CHD9: variants seen among roughly 807,000 people sequenced by gnomAD.
CHD9 encodes the protein ATP-dependent chromatin remodeler CHD9.
CHD9 carries 77 observed loss-of-function variants against 316.1 expected under a neutral mutation model. The ratio of observed to expected loss-of-function variants is 0.24; its 90% CI spans 0.20 to 0.29. The LOEUF is 0.29. CHD9 is among the 10% of genes least tolerant of loss of function. The pLI is 1.00. For synonymous variants in CHD9, 1,129 were observed against 1,158.3 expected, an observed-to-expected ratio of 0.97 and a Z score of 0.51; for missense variants, 2,763 against 3,438.1, an observed-to-expected ratio of 0.80 and a Z score of 4.91.
chr16:53,085,228 CTTTTTTTTTTT>C (rs888297957), intron 1 of CHD9, among the ~76,000 whole-genome samples: 6 of 149,134 alleles, frequency 4.0e-5, no homozygotes, highest in Non-Finnish European at 8.9e-5. Flanking sequence ...CTTTGATCAT[CTTTTTTTTTTT>C]TTTTTTTTTT....
chr16:53,301,251 TGTAAA>T (rs2055384732), intron 30 of CHD9, among the ~76,000 whole-genome samples: 1 of 152,190 alleles, frequency 6.6e-6, no homozygotes, highest in African/African-American at 2.4e-5. Flanking sequence ...TAAGATCAAA[TGTAAA>T]GTAGATTTCA....
At chr16:53,132,009 T>G (rs2039361068) in intron 1 of CHD9, among the ~76,000 whole-genome samples, 1 of 152,196 alleles carries the variant, frequency 6.6e-6, no homozygotes, top group African/African-American at 2.4e-5. Context: ...AGCCAAGCAC[T>G]ACCCGGAAAG....
chr16:53,260,978 G>C (rs1019950663), intron 19 of CHD9, among the ~76,000 whole-genome samples: 2 of 151,934 alleles, frequency 1.3e-5, no homozygotes, highest in African/African-American at 4.8e-5. Flanking sequence ...CAAGGTTCCA[G>C]GGATTAGGAT....
chr16:53,173,042 T>C (rs1428348382), intron 2 of CHD9, among the ~76,000 whole-genome samples: 5 of 152,182 alleles, frequency 3.3e-5, no homozygotes, highest in Non-Finnish European at 7.3e-5. Flanking sequence ...TAAAATTGTG[T>C]TTTGTTTCAT....
intron 12 of CHD9, among the ~76,000 whole-genome samples, chr16:53,241,411 C>T (rs1050808815): frequency 6.6e-6 from 1 of 152,208 alleles, no homozygotes; most frequent in Non-Finnish European, 1.5e-5. Flanking sequence ...TTGATTCATA[C>T]ACATAACTTT....
At position 53,156,132 on chromosome 16, in the gene CHD9, T is replaced by C; in HGVS notation, c.43T>C (p.Phe15Leu). Reference sequence around the variant, plus strand: ...GGACTTTTTTGATGATGCCAATCTTTTTGGTGAGACCTTAGAAGGTTTGTC... The same window carrying C: ...GGACTTTTTTGATGATGCCAATCTTCTTGGTGAGACCTTAGAAGGTTTGTC... ...MMDFFDDANL[F>L]GETLEGLSDD... is the part of the protein sequence containing the mutation. Residue 15 changes from phenylalanine (F) to leucine (L), a missense_variant, in exon 2 of 39, where the codon TTT becomes CTT. Around this residue, in one of 15 missense-constraint regions of CHD9, gnomAD observed 859 missense variants for 890.4 expected, o/e 0.96. Transcript: ENST00000447540. 6.2e-7 allele frequency: 1 copy of C among 1,613,636 alleles called. No homozygotes were observed. Among genetic ancestry groups the C allele is most frequent in the Non-Finnish European group, 8.5e-7 (1 of 1,179,772 alleles).
At chr16:53,151,094 A>T (rs1056887894) in intron 1 of CHD9, among the ~76,000 whole-genome samples, 9 of 151,576 alleles carry the variant, frequency 5.9e-5, no homozygotes, top group Non-Finnish European at 1.0e-4. Context: ...GGATGCCCAC[A>T]ATGTATATTT....
chr16:53,277,044 A>G (rs553731728), intron 24 of CHD9, among the ~76,000 whole-genome samples: 6 of 152,300 alleles, frequency 3.9e-5, no homozygotes, highest in Admixed American at 2.6e-4. Flanking sequence ...CAACCATCCT[A>G]GCTTAAATCA....
intron 2 of CHD9, chr16:53,208,207 G>C: frequency 8.7e-7 from 1 of 1,155,534 alleles, no homozygotes; most frequent in Non-Finnish European, 1.1e-6. Flanking sequence ...TGCATCTCTT[G>C]GTTGCAGCTT....
chr16:53,212,713 T>A (rs1307926109), intron 3 of CHD9, among the ~76,000 whole-genome samples: 1 of 152,146 alleles, frequency 6.6e-6, no homozygotes, highest in East Asian at 1.9e-4. Flanking sequence ...GATAATGGGG[T>A]TAAATTCTTT....
chr16:53,271,552 G>A (rs2052267892), intron 22 of CHD9, among the ~76,000 whole-genome samples: 1 of 149,332 alleles, frequency 6.7e-6, no homozygotes, highest in Non-Finnish European at 1.5e-5. Context: ...CTGGCTGACA[G>A]AGCGAGACTC....
Position 53,224,724 on chromosome 16 carries a change from A to G in CHD9, c.1897-1642A>G, listed in dbSNP as rs561289625. On this transcript the variant is annotated intron_variant, in intron 4 of 38. Transcript: ENST00000447540. ...ACTTAAAAGTCATGCCTAATGAGACATTGATAATATATCACAGTTGTTTAT... is the reference window on the plus strand; with the variant it reads ...ACTTAAAAGTCATGCCTAATGAGACGTTGATAATATATCACAGTTGTTTAT... Among the ~76,000 whole-genome samples, 12 of 152,348 alleles carry G rather than the reference A, an allele frequency of 7.9e-5. No homozygotes were observed. The East Asian group carries it at 1.9e-3, about 24-fold the overall frequency.
intron 1 of CHD9, among the ~76,000 whole-genome samples, chr16:53,149,484 T>C (rs186451149): frequency 2.0e-5 from 3 of 152,230 alleles, no homozygotes; most frequent in Non-Finnish European, 4.4e-5. Context: ...ATAATTGTTA[T>C]ATCATATTGG....
At chr16:53,320,187 G>A (rs1169335147) in intron 37 of CHD9, among the ~76,000 whole-genome samples, 1 of 140,138 alleles carries the variant, frequency 7.1e-6, no homozygotes, top group African/African-American at 2.7e-5. Context: ...AAGTGAGTGA[G>A]TGAGTCTCTT....
rs756285026 is a variant in CHD9, at chr16:53,273,658, G to T, written c.4750G>T (p.Gly1584Trp). 3.1e-6 allele frequency: 5 copies of T among 1,612,288 alleles called. No individual in the cohort carries two copies. Among genetic ancestry groups the T allele is most frequent in the Non-Finnish European group, 4.2e-6 (5 of 1,178,960 alleles). ...AGCTCCTGTACCCAGGGGTCGAAAA[G>T]GGAAGAAAGTAAAAACTCAAACAAG... ...LSAPVPRGRK[G>W]KKVKTQTSSF... Residue 1584 changes from glycine (G) to tryptophan (W), a missense_variant, in exon 23 of 39, where the codon GGG (glycine) becomes TGG (tryptophan). This residue lies in a region of CHD9 where 99 missense variants were observed against 131.6 expected (regional missense o/e 0.75). Coordinates refer to ENST00000447540, the MANE Select transcript of CHD9 (RefSeq NM_001308319.2).
chr16:53,178,639 C>T (rs1386835536), intron 2 of CHD9, among the ~76,000 whole-genome samples: 2 of 151,666 alleles, frequency 1.3e-5, no homozygotes, highest in Non-Finnish European at 2.9e-5. Context: ...TTTTTTTATT[C>T]GTTGTAGAGA....
Position 53,222,747 on chromosome 16 carries a change from G to T in CHD9, c.1888G>T (p.Asp630Tyr). 1.3e-6 allele frequency: 2 copies of T among 1,489,278 alleles called. No individual in the cohort carries two copies. Among genetic ancestry groups the T allele is most frequent in the South Asian group, 2.5e-5 (2 of 81,528 alleles). The allele number at this position is 1,489,278 out of a possible 1,614,324, so 92.3% of individuals were successfully genotyped here. ...GCCACAGCATACATTAAAAGATCAA[G>T]ACTCTCAAGTGAGTATTACAATTTT... ...QMPQHTLKDQ[D>Y]SQKRRSNRQI... Residue 630 changes from aspartate (D) to tyrosine (Y), a missense_variant, in exon 4 of 39, where the codon GAC becomes TAC. Physicochemically the swap from Asp to Tyr is radical, Grantham distance 160. This residue lies in a region of CHD9 where 859 missense variants were observed against 890.4 expected (regional missense o/e 0.96). Transcript: ENST00000447540.
chr16:53,079,174 C>T lies in CHD9; in HGVS notation c.-165+24097C>T, dbSNP rs150874204. ...TTCTCGTACCCCTCAAAAGATTTTC[C>T]TACTGGTCTGGTCCATCTTTGGTGG... On this transcript the variant is annotated intron_variant, in intron 1 of 38. Coordinates refer to ENST00000447540, the MANE Select transcript of CHD9 (RefSeq NM_001308319.2). Among the ~76,000 whole-genome samples the T allele has an allele frequency of 2.3e-3, 356 of 152,272 alleles. 3 individuals carry two copies. Among genetic ancestry groups the T allele is most frequent in the African/African-American group, 8.3e-3 (343 of 41,558 alleles).
At chr16:53,205,182 G>A (rs1274761430) in intron 2 of CHD9, among the ~76,000 whole-genome samples, 1 of 152,152 alleles carries the variant, frequency 6.6e-6, no homozygotes, top group African/African-American at 2.4e-5. Context: ...CAAGGCCTGT[G>A]ACTTTATTTT....
Sources: allele counts gnomAD v4.1 joint callset (sites outside exome capture counted in the v4.1 genomes callset), GRCh38; gene constraint gnomAD v4.1.1; regional missense constraint gnomAD v4.1.1; transcripts MANE v1.5; gene names NCBI Gene and HGNC (gene_info 2026-07-23, HGNC 2026-07-21).